The following DMD variants were observed in gnomAD, a reference collection of about 807,000 sequenced individuals.
DMD encodes the protein mutant dystrophin.
Under a neutral mutation model 330.1 loss-of-function variants are expected in DMD, and 63 were observed. That is an observed-to-expected ratio of 0.19 (90% CI 0.16 to 0.24). DMD has a LOEUF of 0.24. Among genes scored for constraint, DMD ranks in the 10% least tolerant of loss-of-function variants. The pLI is 1.00. For missense variants in DMD, 3,344 were observed against 2,684.1 expected, an observed-to-expected ratio of 1.25 and a Z score of -5.43; for synonymous variants, 1,223 against 959.8, an observed-to-expected ratio of 1.27 and a Z score of -5.07.
intron 44 of DMD, among the ~76,000 whole-genome samples, chrX:32,132,532 T>C (rs946967503): frequency 6.3e-5 from 7 of 111,587 alleles, no homozygotes; most frequent in Non-Finnish European, 1.1e-4. Flanking sequence ...GAATTCCACT[T>C]AGGGTTCTTT....
intron 20 of DMD, among the ~76,000 whole-genome samples, chrX:32,487,285 G>C (rs2042576951): frequency 9.0e-6 from 1 of 111,698 alleles, no homozygotes; most frequent in African/African-American, 3.2e-5. Flanking sequence ...TGAACTCAAA[G>C]TTTTCACTGC....
intron 26 of DMD, among the ~76,000 whole-genome samples, chrX:32,453,124 A>C (rs2098340868): frequency 9.0e-6 from 1 of 110,989 alleles, no homozygotes; most frequent in Admixed American, 9.6e-5. Flanking sequence ...TTCAAAATCC[A>C]TGTTTACTTC....
At chrX:32,478,967 CTGATT>C (rs2041530433) in intron 21 of DMD, among the ~76,000 whole-genome samples, 1 of 111,102 alleles carries the variant, frequency 9.0e-6, no homozygotes, top group African/African-American at 3.3e-5. Context: ...TCCTGGACAA[CTGATT>C]TATTTTCCAG....
At chrX:32,305,570 C>T (rs2097537447) in intron 42 of DMD, among the ~76,000 whole-genome samples, 2 of 111,245 alleles carry the variant, frequency 1.8e-5, no homozygotes, top group Non-Finnish European at 3.8e-5. Context: ...AAGTCCAAGC[C>T]ACCAGCATCT....
intron 30 of DMD, among the ~76,000 whole-genome samples, chrX:32,403,757 G>C (rs1390480589): frequency 1.8e-5 from 2 of 112,054 alleles, no homozygotes; most frequent in South Asian, 7.3e-4. Flanking sequence ...CTACTGGGCT[G>C]TGTAAAAAGA....
intron 51 of DMD, among the ~76,000 whole-genome samples, chrX:31,772,507 TA>T (rs1288817477): frequency 1.8e-5 from 2 of 112,316 alleles, no homozygotes; most frequent in Non-Finnish European, 3.8e-5. Context: ...ATAGCAACCA[TA>T]AAATGCTCAG....
At chrX:32,178,061 T>C (rs2096912285) in intron 44 of DMD, among the ~76,000 whole-genome samples, 1 of 108,645 alleles carries the variant, frequency 9.2e-6, no homozygotes, top group Non-Finnish European at 1.9e-5. Flanking sequence ...AGAAAAACAA[T>C]GTTGCGGATG....
intron 44 of DMD, among the ~76,000 whole-genome samples, chrX:32,129,509 T>C (rs2096678026): frequency 9.0e-6 from 1 of 110,689 alleles, no homozygotes; most frequent in African/African-American, 3.3e-5. Context: ...TTAAAGGAGA[T>C]CATAACGATT....
Position 32,280,415 on chromosome X carries a change from T to G in DMD, c.6290+7114A>C, listed in dbSNP as rs1336959720. On this transcript the variant is annotated intron_variant, in intron 43 of 78. Coordinates refer to ENST00000357033, the MANE Select transcript of DMD (RefSeq NM_004006.3). ...TCAGGACTTGCTTGTTTTTTACCCC[T>G]TACTTCCTAATTCTACCAAGCTCAG... Among the ~76,000 whole-genome samples, 8 of 110,017 alleles carry G rather than the reference T, an allele frequency of 7.3e-5. No individual in the cohort carries two copies. In the East Asian group the frequency reaches 8.6e-4, roughly 12 times the overall value.
intron 43 of DMD, among the ~76,000 whole-genome samples, chrX:32,270,592 C>T (rs331349): frequency 0.46 from 50,899 of 110,351 alleles, 8,520 homozygotes; most frequent in East Asian, 0.57. Flanking sequence ...GGATATGCCA[C>T]GTGACTTGCT....
chrX:32,652,322 T>C (rs6653881), intron 9 of DMD, among the ~76,000 whole-genome samples: 7,788 of 81,770 alleles, frequency 0.095, 344 homozygotes, highest in African/African-American at 0.14. Context: ...GTGTGTGATG[T>C]TCCCCTTCCT....
intron 55 of DMD, among the ~76,000 whole-genome samples, chrX:31,556,519 A>G (rs944872161): frequency 3.0e-5 from 2 of 66,949 alleles, no homozygotes; most frequent in African/African-American, 1.4e-4. Context: ...TGAAAAAAGC[A>G]AAAAAAAAAA....
chrX:31,530,571 A>T (rs1411311422), intron 55 of DMD, among the ~76,000 whole-genome samples: 1 of 109,393 alleles, frequency 9.1e-6, no homozygotes, highest in East Asian at 2.8e-4. Flanking sequence ...ACCAGAGAAC[A>T]TCAAAGAAGG....
At chrX:32,343,349 G>T in intron 39 of DMD, 63 bp from the exon 40 acceptor site, 1 of 1,014,186 alleles carries the variant, frequency 9.9e-7, no homozygotes, top group Non-Finnish European at 1.4e-6. Flanking sequence ...TCTGGCTGCA[G>T]TTATTTATCA....
At chrX:33,336,951 CTT>C (rs1320334670) in intron 1 of DMD, among the ~76,000 whole-genome samples, 3 of 111,187 alleles carry the variant, frequency 2.7e-5, no homozygotes, top group Non-Finnish European at 5.7e-5. Flanking sequence ...GGCATATAGA[CTT>C]TACGATTTCA....
chrX:31,968,029 A>T (rs1214411222), intron 45 of DMD, among the ~76,000 whole-genome samples: 2 of 111,828 alleles, frequency 1.8e-5, no homozygotes, highest in African/African-American at 6.5e-5. Flanking sequence ...TCTTCTTGAA[A>T]AACAACTGAG....
intron 70 of DMD, chrX:31,178,421 A>G: frequency 1.1e-5 from 10 of 931,639 alleles, no homozygotes; most frequent in Non-Finnish European, 1.2e-5. Context: ...TAGTGGCTGT[A>G]TTGTGTTGTG....
chrX:31,537,693 C>T (rs1240718283), intron 55 of DMD, among the ~76,000 whole-genome samples: 1 of 110,941 alleles, frequency 9.0e-6, no homozygotes, highest in Non-Finnish European at 1.9e-5. Context: ...TCTGCTGGGA[C>T]TCCACCTCCT....
At chrX:31,132,915 A>AT (rs1368624805) in intron 77 of DMD, among the ~76,000 whole-genome samples, 1 of 111,365 alleles carries the variant, frequency 9.0e-6, no homozygotes, top group Non-Finnish European at 1.9e-5. Flanking sequence ...TTTATCTGTT[A>AT]AAATCATCAC....
Sources: gnomAD v4.1 joint callset for allele counts (sites outside exome capture counted in the v4.1 genomes callset) on GRCh38, gnomAD v4.1.1 for gene constraint, MANE v1.5 for transcripts, NCBI Gene and HGNC (gene_info 2026-07-23, HGNC 2026-07-21) for gene names.